Variants in MYO5B observed in about 807,000 individuals in gnomAD.
MYO5B encodes unconventional myosin-Vb.
A neutral mutation model predicts 229.3 loss-of-function variants in MYO5B; 143 were observed. That is an observed-to-expected ratio of 0.62 (90% CI 0.54 to 0.72). MYO5B has a LOEUF of 0.72. MYO5B is among the 30% of genes least tolerant of loss of function. MYO5B has a pLI of 0.00. For synonymous variants in MYO5B, 918 were observed against 885.2 expected, an observed-to-expected ratio of 1.04 and a Z score of -0.66; for missense variants, 2,321 against 2,331.0, an observed-to-expected ratio of 1.00 and a Z score of 0.09.
chr18:50,110,307 T>TTA lies in MYO5B; in HGVS notation c.28-54931_28-54930dup, dbSNP rs1265257238. ...CAACAGCATCTATGCCCTAAATACT[T>TTA]TATCCTGCTTATCTCCCTCACCATG... On this transcript the variant is annotated intron_variant, in intron 1 of 39. Transcript: ENST00000285039. Among the ~76,000 whole-genome samples the TTA allele has an allele frequency of 2.6e-5, 4 of 152,078 alleles. No individual in the cohort carries two copies. In the South Asian group the frequency reaches 8.3e-4, roughly 32 times the overall value.
intron 1 of MYO5B, among the ~76,000 whole-genome samples, chr18:50,069,058 G>A (rs557102481): frequency 6.6e-6 from 1 of 152,134 alleles, no homozygotes; most frequent in East Asian, 1.9e-4. Context: ...AGCAGGTAAG[G>A]GAAACAAGGC....
rs1054674204 is a variant in MYO5B, at chr18:50,195,044, G to A, written c.-251C>T. On this transcript the variant is annotated 5_prime_UTR_variant, in exon 1 of 40. Coordinates refer to ENST00000285039, the MANE Select transcript of MYO5B (RefSeq NM_001080467.3). Reference sequence around the variant, plus strand: ...GTTGCGAGCGCCGGGGGAGGAGGCCGCGCCGCACCACTCCCCTCCCAGGTG... The same window carrying A: ...GTTGCGAGCGCCGGGGGAGGAGGCCACGCCGCACCACTCCCCTCCCAGGTG... 1.7e-5 allele frequency: 6 copies of A among 357,340 alleles called. No individual in the cohort carries two copies. The highest frequency in any genetic ancestry group is 2.4e-5 in the Non-Finnish European group (5 of 205,602). 22.1% of individuals were successfully genotyped at this position (357,340 alleles called of 1,614,324 possible).
intron 3 of MYO5B, among the ~76,000 whole-genome samples, chr18:50,039,037 A>G (rs1182864784): frequency 6.6e-6 from 1 of 152,142 alleles, no homozygotes; most frequent in Non-Finnish European, 1.5e-5. Context: ...ATCAATTCCA[A>G]ACCAAAGTGG....
chr18:49,874,142 T>C (rs1015631658), intron 26 of MYO5B, among the ~76,000 whole-genome samples: 3 of 152,250 alleles, frequency 2.0e-5, no homozygotes, highest in African/African-American at 7.2e-5. Flanking sequence ...AACAAGGCCA[T>C]TCTCCCTAAA....
chr18:50,010,168 A>G (rs1238345151), intron 4 of MYO5B, among the ~76,000 whole-genome samples: 1 of 152,256 alleles, frequency 6.6e-6, no homozygotes, highest in Non-Finnish European at 1.5e-5. Context: ...TGTAAGAGAT[A>G]AGTACTTAGT....
intron 4 of MYO5B, among the ~76,000 whole-genome samples, chr18:50,023,755 G>A (rs185698899): frequency 6.6e-6 from 1 of 152,278 alleles, no homozygotes; most frequent in South Asian, 2.1e-4. Flanking sequence ...GCTGTGGTAG[G>A]TAGCAGGGCG....
At chr18:50,094,973 G>A (rs546252711) in intron 1 of MYO5B, among the ~76,000 whole-genome samples, 119 of 152,188 alleles carry the variant, frequency 7.8e-4, no homozygotes, top group African/African-American at 2.6e-3. Context: ...CACTACAGGC[G>A]TGCACCACTG....
chr18:50,132,973 G>A (rs1290385979), intron 1 of MYO5B, among the ~76,000 whole-genome samples: 1 of 152,174 alleles, frequency 6.6e-6, no homozygotes, highest in Non-Finnish European at 1.5e-5. Flanking sequence ...GTGGGAGGGG[G>A]AAATTTTTTT....
chr18:50,001,954 T>A (rs2026051918), intron 4 of MYO5B, among the ~76,000 whole-genome samples: 2 of 149,542 alleles, frequency 1.3e-5, no homozygotes, highest in South Asian at 4.2e-4. Context: ...AAGGATCGCT[T>A]GAACCGAGGA....
intron 1 of MYO5B, among the ~76,000 whole-genome samples, chr18:50,111,808 C>A (rs1025154603): frequency 6.6e-6 from 1 of 152,202 alleles, no homozygotes; most frequent in Non-Finnish European, 1.5e-5. Context: ...TCATTCATTT[C>A]TTTGAACTTC....
intron 1 of MYO5B, among the ~76,000 whole-genome samples, chr18:50,090,867 A>G (rs2031433111): frequency 6.6e-6 from 1 of 152,202 alleles, no homozygotes; most frequent in African/African-American, 2.4e-5. Context: ...CTTCCTGTTC[A>G]AACAAGCTGT....
intron 1 of MYO5B, among the ~76,000 whole-genome samples, chr18:50,187,879 G>C (rs1057194193): frequency 1.1e-4 from 17 of 152,118 alleles, no homozygotes; most frequent in African/African-American, 2.2e-4. Context: ...TGTCACTAGA[G>C]GGGGGCAGGG....
intron 1 of MYO5B, chr18:50,063,726 T>C (rs1247956593): frequency 2.6e-5 from 4 of 152,254 alleles, no homozygotes; most frequent in Admixed American, 2.0e-4. Context: ...TGGTATCGTA[T>C]GTATCGTATC....
chr18:49,850,051 C>T, intron 31 of MYO5B: 1 of 340,120 alleles, frequency 2.9e-6, no homozygotes, highest in South Asian at 2.5e-5. Flanking sequence ...TGTGAGAATG[C>T]AGGGGGCAGG....
chr18:50,074,886 T>C (rs1178706152), intron 1 of MYO5B, among the ~76,000 whole-genome samples: 1 of 152,098 alleles, frequency 6.6e-6, no homozygotes, highest in Non-Finnish European at 1.5e-5. Flanking sequence ...AGTGGCATGA[T>C]CTCAGCTCAC....
chr18:49,930,826 A>G (rs1253680298), intron 16 of MYO5B, among the ~76,000 whole-genome samples: 1 of 151,056 alleles, frequency 6.6e-6, no homozygotes, highest in Non-Finnish European at 1.5e-5. Context: ...CGGGAGGCAG[A>G]GGTTGCAGTG....
chr18:50,163,408 C>T (rs1377293100), intron 1 of MYO5B, among the ~76,000 whole-genome samples: 1 of 152,200 alleles, frequency 6.6e-6, no homozygotes, highest in Non-Finnish European at 1.5e-5. Context: ...ACCACATCAG[C>T]CCAGCCCTGC....
At chr18:50,148,681 T>A (rs936530593) in intron 1 of MYO5B, among the ~76,000 whole-genome samples, 1 of 151,938 alleles carries the variant, frequency 6.6e-6, no homozygotes, top group Non-Finnish European at 1.5e-5. Context: ...ATGGGACGTA[T>A]CTCAAAATAA....
chr18:49,884,216 C>G (rs997410172), intron 22 of MYO5B, among the ~76,000 whole-genome samples: 4 of 152,278 alleles, frequency 2.6e-5, no homozygotes, highest in Admixed American at 2.6e-4. Context: ...AAAATATTTT[C>G]AAATCACCTA....
Sources: gnomAD v4.1 joint callset for allele counts (sites outside exome capture counted in the v4.1 genomes callset) on GRCh38, gnomAD v4.1.1 for gene constraint, MANE v1.5 for transcripts, NCBI Gene and HGNC (gene_info 2026-07-23, HGNC 2026-07-21) for gene names.